The following MRGPRX2 variants were observed in gnomAD, a reference collection of about 807,000 sequenced individuals.
The protein encoded by MRGPRX2 is MAS related GPR family member X2, also known as mas-related G protein-coupled receptor member X2.
For missense variants in MRGPRX2, 389 were observed against 404.5 expected (o/e 0.96, Z 0.33); for synonymous variants, 183 against 175.6 (o/e 1.04, Z -0.33).
At chr11:19,059,755 C>T (rs1241084544) in intron 1 of MRGPRX2, among the ~76,000 whole-genome samples, 2 of 152,198 alleles carry the variant, frequency 1.3e-5, no homozygotes, top group Admixed American at 1.3e-4. Context: ...CCTTCTCTAC[C>T]TGCCTTTGCA....
In MRGPRX2 at chr11:19,055,937, G is replaced by C. The variant is rs1271635731; in HGVS notation, c.466C>G (p.Leu156Val). 6.2e-7 allele frequency: 1 copy of C among 1,614,192 alleles called. No homozygotes were observed. ...SAVVCVLLWA[L>V]SLLLSILEGK... ...TCCAAGATGCTCAGCAGTAGGGACAGGGCCCAGAGCAGGACACACACGACC... is the reference window on the plus strand; with the variant it reads ...TCCAAGATGCTCAGCAGTAGGGACACGGCCCAGAGCAGGACACACACGACC... Residue 156 changes from leucine (L) to valine (V), a missense_variant, in exon 2 of 2, where the codon CTG (leucine) becomes GTG (valine). Coordinates refer to ENST00000329773, the MANE Select transcript of MRGPRX2 (RefSeq NM_054030.4).
In MRGPRX2 at chr11:19,056,321, T is replaced by C; in HGVS notation, c.82A>G (p.Lys28Glu). Residue 28 changes from lysine (K) to glutamate (E), a missense_variant, in exon 2 of 2, where the codon AAG (lysine) becomes GAG (glutamate). By Grantham distance (56) the Lys-to-Glu change is moderately conservative. Transcript: ENST00000329773. ...AGGAAGACCGGGATCAGGGTCTCCT[T>C]GCCACAAAGCAGAAGAAGGGCTTGG... ...NDQALLLLCG[K>E]ETLIPVFLIL... 6.2e-7 allele frequency: 1 copy of C among 1,614,148 alleles called. No individual in the cohort carries two copies. The highest frequency in any genetic ancestry group is 8.5e-7 in the Non-Finnish European group (1 of 1,180,004).
chr11:19,058,899 A>G (rs1211369265), intron 1 of MRGPRX2, among the ~76,000 whole-genome samples: 1 of 152,190 alleles, frequency 6.6e-6, no homozygotes, highest in Non-Finnish European at 1.5e-5. Context: ...AACGTGTACA[A>G]AAGAGTTTCC....
Position 19,058,547 on chromosome 11 carries a change from A to C in MRGPRX2, c.-26+2072T>G, listed in dbSNP as rs532244202. On this transcript the variant is annotated intron_variant, in intron 1 of 1. Coordinates refer to ENST00000329773, the MANE Select transcript of MRGPRX2 (RefSeq NM_054030.4). ...GCCATTCTCCTGCCTCAGCCTCCCGAGTAGCTGGGACTACAGGTGCCCACC... is the reference window on the plus strand; with the variant it reads ...GCCATTCTCCTGCCTCAGCCTCCCGCGTAGCTGGGACTACAGGTGCCCACC... Among the ~76,000 whole-genome samples, 3 of 151,174 alleles carry C rather than the reference A, an allele frequency of 2.0e-5. No homozygotes were observed. In the South Asian group the frequency reaches 6.3e-4, roughly 32 times the overall value.
intron 1 of MRGPRX2, among the ~76,000 whole-genome samples, chr11:19,057,432 G>A (rs1849629447): frequency 6.6e-6 from 1 of 152,154 alleles, no homozygotes; most frequent in Non-Finnish European, 1.5e-5. Flanking sequence ...GCATCTTGGA[G>A]GAAAAGGGGG....
At position 19,060,650 on chromosome 11, in the gene MRGPRX2, A is replaced by T. The variant is rs1462317543; in HGVS notation, c.-57T>A. On this transcript the variant is annotated 5_prime_UTR_variant, in exon 1 of 2. Transcript: ENST00000329773. The stretch of plus-strand genomic sequence containing the variant: ...ACCCTTCTTTCTACTGGAGTTGGTG[A>T]GTTGAGAAGTGCTTTCCTGGGACTG... 1 of 152,258 alleles carries T rather than the reference A, an allele frequency of 6.6e-6. No homozygotes were observed. Among genetic ancestry groups the T allele is most frequent in the Non-Finnish European group, 1.5e-5 (1 of 68,088 alleles). 9.4% of individuals were successfully genotyped at this position (152,258 alleles called of 1,614,324 possible).
rs1849643689 is a variant in MRGPRX2, at chr11:19,058,952, T to C, written c.-26+1667A>G. ...AGCAGGTCCAATACCAGCTCCAGTC[T>C]CCTGGGGCCCTGTCCTAGGTTTATT... On this transcript the variant is annotated intron_variant, in intron 1 of 1. Transcript: ENST00000329773. Among the ~76,000 whole-genome samples the C allele has an allele frequency of 3.3e-5, 5 of 152,310 alleles. No individual in the cohort carries two copies. In the South Asian group the frequency reaches 1.0e-3, roughly 32 times the overall value.
At position 19,055,682 on chromosome 11, in the gene MRGPRX2, T is replaced by A; in HGVS notation, c.721A>T (p.Ile241Phe). ...ATCCATAATATTAGGAACCACTGAA[T>A]GCCAAAGGGCAGGCCGCAGAGGAGG... is the stretch of plus-strand genomic sequence containing the variant. ...VFLLCGLPFGIQWFLILWIWK... is the reference protein window; with the variant it reads ...VFLLCGLPFGFQWFLILWIWK... Residue 241 changes from isoleucine (I) to phenylalanine (F), a missense_variant, in exon 2 of 2, where the codon ATT becomes TTT. Transcript: ENST00000329773. The A allele has an allele frequency of 6.2e-7, 1 of 1,614,172 alleles. No homozygotes were observed. The highest frequency in any genetic ancestry group is 1.6e-4 in the Middle Eastern group (1 of 6,062).
Position 19,055,535 on chromosome 11 carries a change from GC to G in MRGPRX2, c.867del (p.Trp289CysfsTer87). 1 of 1,614,142 alleles carries G rather than the reference GC, an allele frequency of 6.2e-7. No individual in the cohort carries two copies. Among genetic ancestry groups the G allele is most frequent in the South Asian group, 1.1e-5 (1 of 91,084 alleles). On this transcript the variant is annotated frameshift_variant, in exon 2 of 2. Coordinates refer to ENST00000329773, the MANE Select transcript of MRGPRX2 (RefSeq NM_054030.4). LOFTEE classifies it low-confidence loss of function (END_TRUNC). Reference protein sequence around the residue: ...YFFVGSFRKQWRLQQPILKLA... With the variant: ...YFFVGSFRKQXRLQQPILKLA... ...AGCTTGAGGATCGGCTGCTGCAGCC[GC>G]CACTGCTTCCTAAAAGAGCCCACGA...
At chr11:19,058,667 C>G (rs1242480676) in intron 1 of MRGPRX2, among the ~76,000 whole-genome samples, 2 of 152,084 alleles carry the variant, frequency 1.3e-5, no homozygotes, top group South Asian at 4.1e-4. Context: ...ACCTTGTGAT[C>G]TGCCCGCCTC....
rs1849607253 is a variant in MRGPRX2, at chr11:19,055,625, T to C, written c.778A>G (p.Ile260Val). The C allele has an allele frequency of 6.2e-7, 1 of 1,613,992 alleles. No individual in the cohort carries two copies. Among genetic ancestry groups the C allele is most frequent in the South Asian group, 1.1e-5 (1 of 91,078 alleles). Residue 260 changes from isoleucine (I) to valine (V), a missense_variant, in exon 2 of 2, where the codon ATT (isoleucine) becomes GTT (valine). Ile to Val is a conservative substitution (Grantham distance 29). Transcript: ENST00000329773. ...WKDSDVLFCHIHPVSVVLSSL... is the reference protein window; with the variant it reads ...WKDSDVLFCHVHPVSVVLSSL... ...GACAGGACAACTGAAACTGGATGAATATGACAAAATAAGACATCAGAATCC... is the reference window on the plus strand; with the variant it reads ...GACAGGACAACTGAAACTGGATGAACATGACAAAATAAGACATCAGAATCC...
At chr11:19,056,502 T>C (rs946112243) in intron 1 of MRGPRX2, 75 bp from the exon 2 acceptor site, 23 of 1,409,438 alleles carry the variant, frequency 1.6e-5, no homozygotes, top group Middle Eastern at 2.3e-4. Context: ...ATGTGGTAAT[T>C]ACCGCCCCTG....
At chr11:19,058,715 C>T (rs910168831) in intron 1 of MRGPRX2, among the ~76,000 whole-genome samples, 3 of 152,112 alleles carry the variant, frequency 2.0e-5, no homozygotes, top group Admixed American at 1.3e-4. Context: ...CGTGAGCCAC[C>T]GTGCCCGGCC....
chr11:19,060,217 A>G (rs1849656832), intron 1 of MRGPRX2, among the ~76,000 whole-genome samples: 5 of 152,270 alleles, frequency 3.3e-5, no homozygotes, highest in Middle Eastern at 3.4e-3. Context: ...ACCCCTTTAG[A>G]GTGTGTGATG....
At chr11:19,058,672 C>T (rs1183140857) in intron 1 of MRGPRX2, among the ~76,000 whole-genome samples, 8 of 152,162 alleles carry the variant, frequency 5.3e-5, no homozygotes, top group African/African-American at 1.4e-4. Context: ...GTGATCTGCC[C>T]GCCTCGGCCT....
Position 19,055,407 on chromosome 11 carries a change from T to C in MRGPRX2, c.*3A>G, listed in dbSNP as rs752863443. On this transcript the variant is annotated 3_prime_UTR_variant, in exon 2 of 2. Coordinates refer to ENST00000329773, the MANE Select transcript of MRGPRX2 (RefSeq NM_054030.4). ...ATCTGATGGAAGTAGAGGCTGTCCA[T>C]CTCTACACCAGACTGCTTCTCGACA... The C allele has an allele frequency of 6.3e-7, 1 of 1,598,436 alleles. No homozygotes were observed. Among genetic ancestry groups the C allele is most frequent in the South Asian group, 1.1e-5 (1 of 90,328 alleles).
At position 19,054,735 on chromosome 11, in the gene MRGPRX2, G is replaced by C. The variant is rs1226268235; in HGVS notation, c.*675C>G. Reference sequence around the variant, plus strand: ...TGTGAAAGGAAACCACAGGAAGACAGTGTACCTCAAACTTTAAATATGTGT... The same window carrying C: ...TGTGAAAGGAAACCACAGGAAGACACTGTACCTCAAACTTTAAATATGTGT... On this transcript the variant is annotated 3_prime_UTR_variant, in exon 2 of 2. Transcript: ENST00000329773. The C allele has an allele frequency of 6.6e-6, 1 of 152,220 alleles. No individual in the cohort carries two copies. Among genetic ancestry groups the C allele is most frequent in the African/African-American group, 2.4e-5 (1 of 41,462 alleles). 9.4% of individuals were successfully genotyped at this position (152,220 alleles called of 1,614,324 possible). A position where few individuals can be genotyped will look rare whatever the true frequency, so the allele number is the denominator to read the frequency against.
rs766299608 is a variant in MRGPRX2, at chr11:19,055,508, C to G, written c.895G>C (p.Ala299Pro). Residue 299 changes from alanine (A) to proline (P), a missense_variant, in exon 2 of 2, where the codon GCT becomes CCT. By Grantham distance (27) the Ala-to-Pro change is conservative. Coordinates refer to ENST00000329773, the MANE Select transcript of MRGPRX2 (RefSeq NM_054030.4). ...ATGTCCTGCAGAGCCCTCTGGAGAGCCAGCTTGAGGATCGGCTGCTGCAGC... is the reference window on the plus strand; with the variant it reads ...ATGTCCTGCAGAGCCCTCTGGAGAGGCAGCTTGAGGATCGGCTGCTGCAGC... The part of the protein sequence containing the change: ...WRLQQPILKL[A>P]LQRALQDIAE... 8 of 1,614,172 alleles carry G rather than the reference C, an allele frequency of 5.0e-6. No homozygotes were observed. The East Asian group carries it at 1.8e-4, about 36-fold the overall frequency.
chr11:19,056,378 C>A lies in MRGPRX2; in HGVS notation c.25G>T (p.Gly9Ter), dbSNP rs528014472. The change falls in exon 2 of 2, where the codon GGA becomes TGA. Residue 9 changes from glycine (G) to a stop codon, truncating the protein, a stop_gained. Coordinates refer to ENST00000329773, the MANE Select transcript of MRGPRX2 (RefSeq NM_054030.4). LOFTEE classifies it low-confidence loss of function (END_TRUNC). ...CCATTCACTGTTGTACTTTCTGTTCCCCAGGCCGGGGTGGTTGGATCCATG... is the reference window on the plus strand; with the variant it reads ...CCATTCACTGTTGTACTTTCTGTTCACCAGGCCGGGGTGGTTGGATCCATG... MDPTTPAW[G>*]TESTTVNGND... 2 of 1,612,414 alleles carry A rather than the reference C, an allele frequency of 1.2e-6. No homozygotes were observed. The highest frequency in any genetic ancestry group is 2.2e-5 in the South Asian group (2 of 91,040).
Sources: allele counts gnomAD v4.1 joint callset (sites outside exome capture counted in the v4.1 genomes callset), GRCh38; gene constraint gnomAD v4.1.1; transcripts MANE v1.5; gene names NCBI Gene and HGNC (gene_info 2026-07-23, HGNC 2026-07-21).